The following CACNA1C variants were observed in gnomAD, a reference collection of about 807,000 sequenced individuals.
The protein encoded by CACNA1C is voltage-dependent L-type calcium channel subunit alpha-1C.
CACNA1C carries 30 observed loss-of-function variants against 229.0 expected under a neutral mutation model. That is an observed-to-expected ratio of 0.13 (90% CI 0.10 to 0.18). The LOEUF (loss-of-function observed/expected upper bound fraction) is 0.18, where lower values mean the gene tolerates loss of function less well. Among genes scored for constraint, CACNA1C ranks in the 10% least tolerant of loss-of-function variants. CACNA1C has a pLI of 1.00. For missense variants in CACNA1C, 1,658 were observed against 2,845.0 expected, an observed-to-expected ratio of 0.58 and a Z score of 9.49; for synonymous variants, 1,114 against 1,132.5, an observed-to-expected ratio of 0.98 and a Z score of 0.33.
At chr12:2,564,713 G>A (rs1439035042) in intron 11 of CACNA1C, among the ~76,000 whole-genome samples, 3 of 152,166 alleles carry the variant, frequency 2.0e-5, no homozygotes, top group South Asian at 4.2e-4. Flanking sequence ...CTGCACATCC[G>A]CTCATCTCAA....
chr12:2,234,491 G>A (rs1307079072), intron 3 of CACNA1C, among the ~76,000 whole-genome samples: 2 of 152,162 alleles, frequency 1.3e-5, no homozygotes, highest in African/African-American at 2.4e-5. Context: ...CTGTTCGTCA[G>A]GTGTGCCGAA....
At chr12:2,043,951 G>T (rs752507397) in intron 1 of CACNA1C, among the ~76,000 whole-genome samples, 3 of 152,028 alleles carry the variant, frequency 2.0e-5, no homozygotes, top group Non-Finnish European at 4.4e-5. Flanking sequence ...CACCGCGCCC[G>T]GCCAAAAACA....
At chr12:2,274,121 C>A (rs1480034896) in intron 3 of CACNA1C, among the ~76,000 whole-genome samples, 1 of 152,208 alleles carries the variant, frequency 6.6e-6, no homozygotes, top group Non-Finnish European at 1.5e-5. Flanking sequence ...GAGCCTCGTG[C>A]CCTTATCTTC....
chr12:2,309,995 C>T (rs1347869076), intron 3 of CACNA1C, among the ~76,000 whole-genome samples: 1 of 152,188 alleles, frequency 6.6e-6, no homozygotes, highest in Non-Finnish European at 1.5e-5. Flanking sequence ...CACCCTAGTA[C>T]TACCTGTAGT....
At chr12:2,536,096 T>C (rs2099854427) in intron 9 of CACNA1C, among the ~76,000 whole-genome samples, 1 of 152,228 alleles carries the variant, frequency 6.6e-6, no homozygotes, top group Non-Finnish European at 1.5e-5. Context: ...CAAGGCGGCT[T>C]TCCCTCTGTG....
chr12:2,310,065 G>A lies in CACNA1C; in HGVS notation c.478-138911G>A, dbSNP rs564377970. On this transcript the variant is annotated intron_variant, in intron 3 of 46. Coordinates refer to ENST00000399655, the MANE Select transcript of CACNA1C (RefSeq NM_000719.7). ...ATGTTTAAATCTTTCTGTCTGGTCC[G>A]CAGAGCTGCTCAGCTCACTGGTTGG... Among the ~76,000 whole-genome samples the A allele has an allele frequency of 9.9e-5, 15 of 152,258 alleles. No individual in the cohort carries two copies. The South Asian group carries it at 2.9e-3, about 29-fold the overall frequency.
chr12:2,428,196 C>T (rs2099051013), intron 3 of CACNA1C, among the ~76,000 whole-genome samples: 1 of 152,138 alleles, frequency 6.6e-6, no homozygotes, highest in Admixed American at 6.5e-5. Context: ...TGAAGCCTTC[C>T]CTGAAGGGAC....
chr12:2,260,335 C>A (rs1247257308), intron 3 of CACNA1C, among the ~76,000 whole-genome samples: 1 of 150,732 alleles, frequency 6.6e-6, no homozygotes, highest in Non-Finnish European at 1.5e-5. Context: ...AATTAGCTGG[C>A]CATAATGCCA....
At chr12:2,358,298 TGTGTGTG>T (rs2097448151) in intron 3 of CACNA1C, among the ~76,000 whole-genome samples, 1 of 136,760 alleles carries the variant, frequency 7.3e-6, no homozygotes, top group Non-Finnish European at 1.5e-5. Context: ...TGTGTGTGTG[TGTGTGTG>T]TGTCTCTTTG....
chr12:2,492,206 C>A (rs574000211), intron 6 of CACNA1C, among the ~76,000 whole-genome samples: 62 of 152,264 alleles, frequency 4.1e-4, no homozygotes, highest in African/African-American at 1.3e-3. Flanking sequence ...TCAGTCAGGT[C>A]TTGTTTAAAT....
intron 1 of CACNA1C, among the ~76,000 whole-genome samples, chr12:2,071,979 C>T (rs2061503778): frequency 6.6e-6 from 1 of 152,062 alleles, no homozygotes; most frequent in Admixed American, 6.5e-5. Flanking sequence ...ACTTTACTAC[C>T]ATCACAAGGA....
rs746220488 is a variant in CACNA1C, at chr12:2,685,719, T to G, written c.5574-17T>G. On this transcript the variant is annotated splice_polypyrimidine_tract_variant and intron_variant, in intron 43 of 46. Coordinates refer to ENST00000399655, the MANE Select transcript of CACNA1C (RefSeq NM_000719.7). Reference sequence around the variant, plus strand: ...TCTCAGCCTCCAGGAACAAGCCCCATGAGCTCTCTGTTCCAGGCTCTCCTA... The same window carrying G: ...TCTCAGCCTCCAGGAACAAGCCCCAGGAGCTCTCTGTTCCAGGCTCTCCTA... 2.5e-6 allele frequency: 4 copies of G among 1,599,960 alleles called. No homozygotes were observed. Among genetic ancestry groups the G allele is most frequent in the Non-Finnish European group, 3.4e-6 (4 of 1,167,258 alleles).
intron 1 of CACNA1C, among the ~76,000 whole-genome samples, chr12:2,079,890 A>T (rs1024508301): frequency 3.9e-5 from 6 of 152,212 alleles, no homozygotes; most frequent in African/African-American, 1.4e-4. Context: ...AGAGTTGAGG[A>T]AGAGTCAGCA....
chr12:2,651,481 TG>T lies in CACNA1C; in HGVS notation c.3946-156del. 1 of 1,003,396 alleles carries T rather than the reference TG, an allele frequency of 1.0e-6. No homozygotes were observed. The highest frequency in any genetic ancestry group is 1.5e-6 in the Non-Finnish European group (1 of 658,108). The allele number at this position is 1,003,396 out of a possible 1,614,324, so 62.2% of individuals were successfully genotyped here. On this transcript the variant is annotated intron_variant, in intron 31 of 46. Coordinates refer to ENST00000399655, the MANE Select transcript of CACNA1C (RefSeq NM_000719.7). This position sits in a 1 kb window ranked among gnomAD's most constrained non-coding sequence, Gnocchi z 5.4. ...GGGCTGGGCTGTCCACTCATTAAAG[TG>T]GGCGGCCGCCCTCCCATCGGAGGGG...
At chr12:1,988,954 C>T (rs923523662) in intron 1 of CACNA1C, among the ~76,000 whole-genome samples, 4 of 152,186 alleles carry the variant, frequency 2.6e-5, no homozygotes, top group African/African-American at 4.8e-5. Context: ...TCCTAAATAT[C>T]TTAAGTTTTT....
At chr12:2,293,214 C>G (rs1254703041) in intron 3 of CACNA1C, among the ~76,000 whole-genome samples, 2 of 152,162 alleles carry the variant, frequency 1.3e-5, no homozygotes, top group East Asian at 3.8e-4. Flanking sequence ...AGACCAAAAG[C>G]AAAAGAAATG....
At chr12:2,153,122 G>C (rs897700159) in intron 3 of CACNA1C, among the ~76,000 whole-genome samples, 14 of 152,146 alleles carry the variant, frequency 9.2e-5, no homozygotes, top group African/African-American at 3.4e-4. Context: ...CAATTTTAAT[G>C]ACCCTTGAGC....
chr12:2,046,516 A>G (rs1272529983), intron 1 of CACNA1C, among the ~76,000 whole-genome samples: 4 of 152,180 alleles, frequency 2.6e-5, no homozygotes, highest in South Asian at 2.1e-4. Flanking sequence ...GTAGAGGGCC[A>G]TCATTTGAAT....
chr12:2,166,692 T>C (rs146844814), intron 3 of CACNA1C, among the ~76,000 whole-genome samples: 1 of 152,368 alleles, frequency 6.6e-6, no homozygotes, highest in East Asian at 1.9e-4. Context: ...GTTAAATGCT[T>C]GGCATTGTGC....
Sources: gnomAD v4.1 joint callset for allele counts (sites outside exome capture counted in the v4.1 genomes callset) on GRCh38, gnomAD v4.1.1 for gene constraint, Gnocchi (gnomAD v3.1) non-coding constraint, MANE v1.5 for transcripts, NCBI Gene and HGNC (gene_info 2026-07-23, HGNC 2026-07-21) for gene names.